Variants in SLIT3 observed in about 807,000 individuals in gnomAD.
SLIT3 encodes the protein slit guidance ligand 3.
SLIT3 carries 68 observed loss-of-function variants against 184.0 expected under a neutral mutation model. That is an observed-to-expected ratio of 0.37 (90% CI 0.30 to 0.45). The LOEUF (loss-of-function observed/expected upper bound fraction) is 0.45, where lower values mean the gene tolerates loss of function less well. Ranked by LOEUF, SLIT3 falls within the 20% of genes least tolerant of loss-of-function variation. SLIT3 has a pLI of 1.00. For synonymous variants in SLIT3, 831 were observed against 828.6 expected, an observed-to-expected ratio of 1.00 and a Z score of -0.05; for missense variants, 1,707 against 2,026.0, an observed-to-expected ratio of 0.84 and a Z score of 3.02.
chr5:169,198,694 GA>G (rs1280260084), intron 3 of SLIT3, among the ~76,000 whole-genome samples: 1 of 152,120 alleles, frequency 6.6e-6, no homozygotes, highest in East Asian at 1.9e-4. Context: ...AGCACTTTGG[GA>G]GGCCAAGGTG....
chr5:168,814,149 G>A (rs1297097960), intron 8 of SLIT3, among the ~76,000 whole-genome samples: 3 of 152,106 alleles, frequency 2.0e-5, no homozygotes, highest in African/African-American at 7.2e-5. Context: ...GAATCCCAGG[G>A]CTTTGGGAGG....
chr5:168,684,164 C>A, intron 31 of SLIT3, 68 bp from the exon 32 acceptor site: 2 of 1,417,754 alleles, frequency 1.4e-6, no homozygotes, highest in South Asian at 3.3e-5. Flanking sequence ...GCCCATCTCA[C>A]AGAGCCCTCT....
chr5:169,002,350 A>G (rs933692611), intron 4 of SLIT3, among the ~76,000 whole-genome samples: 6 of 147,246 alleles, frequency 4.1e-5, no homozygotes, highest in South Asian at 2.2e-4. Flanking sequence ...AAAAAAAAAA[A>G]AAAAAGAAAA....
intron 23 of SLIT3, 66 bp downstream of exon 23, chr5:168,722,190 G>T: frequency 1.4e-6 from 2 of 1,421,688 alleles, no homozygotes; most frequent in Non-Finnish European, 2.0e-6. Flanking sequence ...GAAGGGGAGT[G>T]CTTAGTCTGC....
chr5:169,195,859 A>G (rs1334028429), intron 3 of SLIT3, among the ~76,000 whole-genome samples: 1 of 152,106 alleles, frequency 6.6e-6, no homozygotes, highest in African/African-American at 2.4e-5. Flanking sequence ...AGTGCTTTTT[A>G]TTTTTAAAAA....
At chr5:168,970,276 A>T (rs1324813804) in intron 4 of SLIT3, among the ~76,000 whole-genome samples, 1 of 152,110 alleles carries the variant, frequency 6.6e-6, no homozygotes, top group African/African-American at 2.4e-5. Context: ...CAGGCGGATC[A>T]CCTGAAGTCA....
At chr5:168,693,999 C>A (rs1761981613) in intron 28 of SLIT3, among the ~76,000 whole-genome samples, 1 of 152,184 alleles carries the variant, frequency 6.6e-6, no homozygotes, top group South Asian at 2.1e-4. Flanking sequence ...CATTCTGTAC[C>A]TGAGTTTCCC....
intron 5 of SLIT3, among the ~76,000 whole-genome samples, chr5:168,845,185 T>C (rs1034522356): frequency 6.6e-6 from 1 of 152,142 alleles, no homozygotes; most frequent in Non-Finnish European, 1.5e-5. Flanking sequence ...ATGGGGAATA[T>C]ACCAATTCCA....
In SLIT3 at chr5:169,232,558, T is replaced by C. The variant is rs538291888; in HGVS notation, c.341+12147A>G. ...TTGTTATTTTCTAGAAGTGTCTTTATCTTTCTAAAATCCACTTGTAATTGA... is the reference window on the plus strand; with the variant it reads ...TTGTTATTTTCTAGAAGTGTCTTTACCTTTCTAAAATCCACTTGTAATTGA... On this transcript the variant is annotated intron_variant, in intron 3 of 35. Transcript: ENST00000519560. 2.6e-5 allele frequency among the ~76,000 whole-genome samples: 4 copies of C among 152,314 alleles called. No individual in the cohort carries two copies. The East Asian group carries it at 7.7e-4, about 29-fold the overall frequency.
At chr5:169,266,623 T>G (rs1387427907) in intron 1 of SLIT3, among the ~76,000 whole-genome samples, 1 of 152,152 alleles carries the variant, frequency 6.6e-6, no homozygotes, top group Non-Finnish European at 1.5e-5. Flanking sequence ...CCAGCTCTAC[T>G]GGACTGGGTG....
At chr5:168,966,449 G>A (rs1763197898) in intron 4 of SLIT3, among the ~76,000 whole-genome samples, 1 of 152,204 alleles carries the variant, frequency 6.6e-6, no homozygotes, top group South Asian at 2.1e-4. Context: ...CAGGAGGTAT[G>A]AGACTGAAAG....
At chr5:169,050,453 C>T (rs914117628) in intron 4 of SLIT3, among the ~76,000 whole-genome samples, 2 of 152,184 alleles carry the variant, frequency 1.3e-5, no homozygotes, top group African/African-American at 4.8e-5. Context: ...ACAAAGTTGG[C>T]CTCTGTTTCT....
chr5:168,886,442 G>C (rs1002493577), intron 4 of SLIT3, among the ~76,000 whole-genome samples: 3 of 152,044 alleles, frequency 2.0e-5, no homozygotes, highest in Non-Finnish European at 4.4e-5. Context: ...TACTATCCTC[G>C]AGAGAGACAA....
intron 14 of SLIT3, among the ~76,000 whole-genome samples, chr5:168,771,018 T>C (rs1486142990): frequency 1.3e-5 from 2 of 152,164 alleles, no homozygotes; most frequent in African/African-American, 2.4e-5. Flanking sequence ...CACATCCATT[T>C]GGGGTCCAAA....
intron 4 of SLIT3, among the ~76,000 whole-genome samples, chr5:169,059,147 G>A (rs765146842): frequency 3.9e-5 from 6 of 152,136 alleles, no homozygotes; most frequent in Non-Finnish European, 7.4e-5. Flanking sequence ...TGACTTCTTG[G>A]TAGAGTCACT....
intron 27 of SLIT3, among the ~76,000 whole-genome samples, chr5:168,697,040 G>C (rs1762085221): frequency 6.6e-6 from 1 of 152,178 alleles, no homozygotes; most frequent in Admixed American, 6.5e-5. Context: ...CAAGCAAAAT[G>C]TTTAAAAGGG....
At chr5:168,722,813 C>T (rs1269598502) in intron 22 of SLIT3, 120 bp downstream of exon 22, 3 of 761,620 alleles carry the variant, frequency 3.9e-6, no homozygotes, top group Admixed American at 3.9e-5. Context: ...TATGCTAGGG[C>T]AGCCATAGGC....
At chr5:169,183,643 G>GC (rs1479592905) in intron 4 of SLIT3, among the ~76,000 whole-genome samples, 1 of 152,148 alleles carries the variant, frequency 6.6e-6, no homozygotes. Flanking sequence ...AAGTAAACCA[G>GC]CAAAAGCCCT....
At position 168,765,925 on chromosome 5, in the gene SLIT3, G is replaced by T. The variant is rs145246225; in HGVS notation, c.1460-3236C>A. 3.2e-3 allele frequency among the ~76,000 whole-genome samples: 481 copies of T among 151,192 alleles called. 2 individuals carry two copies. The highest frequency in any genetic ancestry group is 0.011 in the African/African-American group (457 of 40,616). On this transcript the variant is annotated intron_variant, in intron 14 of 35. Transcript: ENST00000519560. ...TGATCACAGACAAGCTTTAATAGACGGGGGGGTGGGGGTAGGAGGTGGAAA... is the reference window on the plus strand; with the variant it reads ...TGATCACAGACAAGCTTTAATAGACTGGGGGGTGGGGGTAGGAGGTGGAAA...
Sources: allele counts gnomAD v4.1 joint callset (sites outside exome capture counted in the v4.1 genomes callset), GRCh38; gene constraint gnomAD v4.1.1; transcripts MANE v1.5; gene names NCBI Gene and HGNC (gene_info 2026-07-23, HGNC 2026-07-21).